The following SDC3 variants were observed in gnomAD, a reference collection of about 807,000 sequenced individuals.
SDC3 encodes syndecan 3, also known as syndecan-3.
A neutral mutation model predicts 24.4 loss-of-function variants in SDC3; 13 were observed. The observed-to-expected ratio is 0.53, with a 90% confidence interval of 0.35 to 0.85. The LOEUF is 0.85. Ranked by LOEUF, SDC3 falls within the 40% of genes least tolerant of loss-of-function variation. SDC3 has a pLI of 0.01. For missense variants in SDC3, 571 were observed against 584.5 expected (o/e 0.98, Z 0.24); for synonymous variants, 295 against 260.9 (o/e 1.13, Z -1.26).
intron 1 of SDC3, among the ~76,000 whole-genome samples, chr1:30,895,884 G>T (rs185796172): frequency 6.6e-6 from 1 of 151,532 alleles, no homozygotes; most frequent in East Asian, 2.0e-4. Context: ...AGGGAGGGGG[G>T]CTGAGCAGAG....
At chr1:30,875,837 C>T (rs1474150542) in intron 3 of SDC3, among the ~76,000 whole-genome samples, 1 of 152,192 alleles carries the variant, frequency 6.6e-6, no homozygotes, top group African/African-American at 2.4e-5. Flanking sequence ...TCCCTGTGCA[C>T]CCACAGTTGC....
Position 30,877,160 on chromosome 1 carries a change from C to A in SDC3, c.262G>T (p.Glu88Ter). Residue 88 changes from glutamate to a stop codon, truncating the protein, a stop_gained, in exon 3 of 5, where the codon GAG becomes TAG. Coordinates refer to ENST00000339394, the MANE Select transcript of SDC3 (RefSeq NM_014654.4). LOFTEE classifies it high-confidence loss of function. ...GCTGTCTCAATGCCCGACTCCTGCT[C>A]GAAGTCTGAGGGGGTGGGGGAGAGG... is the stretch of plus-strand genomic sequence containing the variant. ...LYSGSGSGYF[E>*]QESGIETAMR... 2 of 1,613,574 alleles carry A rather than the reference C, an allele frequency of 1.2e-6. No individual in the cohort carries two copies. Among genetic ancestry groups the A allele is most frequent in the Non-Finnish European group, 1.7e-6 (2 of 1,179,930 alleles).
At chr1:30,902,758 A>T (rs1383469447) in intron 1 of SDC3, among the ~76,000 whole-genome samples, 2 of 152,160 alleles carry the variant, frequency 1.3e-5, no homozygotes, top group Non-Finnish European at 2.9e-5. Flanking sequence ...GTGCCTTGGC[A>T]CTCAGACTGA....
chr1:30,874,655 A>G, intron 3 of SDC3, 67 bp from the exon 4 acceptor site: 1 of 1,486,694 alleles, frequency 6.7e-7, no homozygotes, highest in Non-Finnish European at 9.3e-7. Flanking sequence ...CCACCATCCT[A>G]CTGCCCTGGG....
chr1:30,874,301 G>C lies in SDC3; in HGVS notation c.1158C>G (p.Leu386=). The change falls in exon 4 of 5, where the codon CTC becomes CTG. Residue 386 remains leucine (L), a synonymous_variant. Coordinates refer to ENST00000339394, the MANE Select transcript of SDC3 (RefSeq NM_014654.4). ...GGCCCAGACCCCAAGCCTCACCTAC[G>C]AGCACCTCCTTCCGCTCCAGGATAC... ...QKSILERKEV[L]VAVIVGGVVG... The C allele has an allele frequency of 6.2e-7, 1 of 1,605,240 alleles. No homozygotes were observed. The highest frequency in any genetic ancestry group is 8.5e-7 in the Non-Finnish European group (1 of 1,175,476).
chr1:30,876,322 T>C (rs1639635299), intron 3 of SDC3, among the ~76,000 whole-genome samples: 1 of 152,044 alleles, frequency 6.6e-6, no homozygotes, highest in Non-Finnish European at 1.5e-5. Flanking sequence ...ACCCAATTCC[T>C]TCCCCACCAA....
intron 1 of SDC3, among the ~76,000 whole-genome samples, chr1:30,902,939 C>CTCAT (rs2124344471): frequency 6.6e-6 from 1 of 152,340 alleles, no homozygotes; most frequent in East Asian, 1.9e-4. Flanking sequence ...CCTTTATTCC[C>CTCAT]TCATTCATTC....
intron 1 of SDC3, 109 bp downstream of exon 1, chr1:30,908,340 G>A (rs1341198725): frequency 5.2e-5 from 29 of 560,374 alleles, no homozygotes; most frequent in Non-Finnish European, 5.9e-5. Flanking sequence ...GAAGCAGCCG[G>A]GGGGGAGGGA....
chr1:30,882,795 G>A (rs538718900), intron 1 of SDC3, among the ~76,000 whole-genome samples: 3 of 152,090 alleles, frequency 2.0e-5, no homozygotes, highest in South Asian at 2.1e-4. Flanking sequence ...TAGAGAAACC[G>A]GTCAGCACAG....
At chr1:30,901,530 C>T (rs1041469170) in intron 1 of SDC3, among the ~76,000 whole-genome samples, 4 of 152,168 alleles carry the variant, frequency 2.6e-5, no homozygotes, top group Non-Finnish European at 5.9e-5. Context: ...GGCTGCTCAA[C>T]AGCTCTGGAG....
chr1:30,896,493 G>C (rs1179743013), intron 1 of SDC3, among the ~76,000 whole-genome samples: 1 of 152,168 alleles, frequency 6.6e-6, no homozygotes, highest in African/African-American at 2.4e-5. Flanking sequence ...GGGCTGGTAG[G>C]AGGGGTCATT....
intron 1 of SDC3, among the ~76,000 whole-genome samples, chr1:30,892,343 T>C (rs1458610292): frequency 1.3e-5 from 2 of 152,018 alleles, no homozygotes; most frequent in Admixed American, 6.5e-5. Context: ...CTTCTGCCAG[T>C]AGGGACCTAG....
At chr1:30,897,390 A>T (rs1301698180) in intron 1 of SDC3, among the ~76,000 whole-genome samples, 1 of 152,218 alleles carries the variant, frequency 6.6e-6, no homozygotes, top group Non-Finnish European at 1.5e-5. Flanking sequence ...AACAGTGAAC[A>T]ATTTGGACAA....
intron 1 of SDC3, among the ~76,000 whole-genome samples, chr1:30,891,648 C>T (rs1022181745): frequency 5.9e-5 from 9 of 151,962 alleles, no homozygotes; most frequent in East Asian, 5.8e-4. Flanking sequence ...GAGGCTGAGG[C>T]GGGTGGATCA....
rs911714673 is a variant in SDC3 at position 30,877,173 on chromosome 1, G to T, written c.257-8C>A. The stretch of plus-strand genomic sequence containing the variant: ...CCGACTCCTGCTCGAAGTCTGAGGG[G>T]GTGGGGGAGAGGGAGAGAGCTAGGG... On this transcript the variant is annotated splice_polypyrimidine_tract_variant and splice_region_variant and intron_variant, in intron 2 of 4. Transcript: ENST00000339394. 23 of 1,613,736 alleles carry T rather than the reference G, an allele frequency of 1.4e-5. No individual in the cohort carries two copies. Among genetic ancestry groups the T allele is most frequent in the Admixed American group, 3.3e-5 (2 of 60,008 alleles).
chr1:30,889,699 C>G (rs565939106), intron 1 of SDC3, among the ~76,000 whole-genome samples: 6 of 152,276 alleles, frequency 3.9e-5, no homozygotes, highest in African/African-American at 1.4e-4. Context: ...GTCAGATAAT[C>G]ACAAGCGTTG....
At chr1:30,899,202 T>C (rs1445688607) in intron 1 of SDC3, among the ~76,000 whole-genome samples, 3 of 152,164 alleles carry the variant, frequency 2.0e-5, no homozygotes, top group Non-Finnish European at 4.4e-5. Flanking sequence ...TTCTCCTGCC[T>C]CAGCCTCTGG....
At chr1:30,901,622 G>A (rs751668185) in intron 1 of SDC3, among the ~76,000 whole-genome samples, 1 of 152,072 alleles carries the variant, frequency 6.6e-6, no homozygotes, top group Non-Finnish European at 1.5e-5. Flanking sequence ...GCTCCAACTG[G>A]GAGTCCGGCC....
At position 30,876,727 on chromosome 1, in the gene SDC3, G is replaced by A. The variant is rs562688553; in HGVS notation, c.695C>T (p.Pro232Leu). The change falls in exon 3 of 5, where the codon CCG (proline) becomes CTG (leucine). Residue 232 changes from proline to leucine, a missense_variant. By Grantham distance (98) the Pro-to-Leu change is moderately conservative (BLOSUM62 -3). Transcript: ENST00000339394. ...ARATTPEAPS[P>L]PTTAAVLDTE... is the part of the protein sequence containing the mutation. ...GTCCAAGACAGCCGCCGTGGTGGGC[G>A]GGGAGGGCGCCTCGGGGGTAGTGGC... The A allele has an allele frequency of 4.0e-5, 64 of 1,593,004 alleles. 1 individual carries two copies. The highest frequency in any genetic ancestry group is 5.7e-5 in the South Asian group (5 of 88,442).
Sources: allele counts gnomAD v4.1 joint callset (sites outside exome capture counted in the v4.1 genomes callset), GRCh38; gene constraint gnomAD v4.1.1; transcripts MANE v1.5; gene names NCBI Gene and HGNC (gene_info 2026-07-23, HGNC 2026-07-21).